Variants in SEMA3E observed in about 807,000 individuals in gnomAD.
SEMA3E encodes the protein semaphorin 3E.
In SEMA3E, 49 loss-of-function variants were observed where a neutral mutation model predicts 93.6. The ratio of observed to expected loss-of-function variants is 0.52; its 90% CI spans 0.42 to 0.66. The LOEUF is 0.66. Among genes scored for constraint, SEMA3E ranks in the 30% least tolerant of loss-of-function variants. The pLI is 0.00. For synonymous variants in SEMA3E, 363 were observed against 330.7 expected, an observed-to-expected ratio of 1.10 and a Z score of -1.06; for missense variants, 906 against 964.8, an observed-to-expected ratio of 0.94 and a Z score of 0.81.
At chr7:83,454,619 AAAGTT>A (rs1159663490) in intron 4 of SEMA3E, among the ~76,000 whole-genome samples, 2 of 152,170 alleles carry the variant, frequency 1.3e-5, no homozygotes, top group Admixed American at 6.5e-5. Context: ...AGCAGAAAAA[AAAGTT>A]AAGAAACAAA....
At chr7:83,417,618 T>C (rs139291409) in intron 5 of SEMA3E, among the ~76,000 whole-genome samples, 1 of 152,268 alleles carries the variant, frequency 6.6e-6, no homozygotes, top group Non-Finnish European at 1.5e-5. Flanking sequence ...CTTCCATTAG[T>C]ACCTATGTCA....
At chr7:83,472,044 A>C (rs1327582172) in intron 2 of SEMA3E, among the ~76,000 whole-genome samples, 1 of 152,116 alleles carries the variant, frequency 6.6e-6, no homozygotes, top group Non-Finnish European at 1.5e-5. Context: ...TTTTCTTATC[A>C]ACTCTCCCAG....
rs144314313 is a variant in SEMA3E, at chr7:83,533,727, T to C, written c.116-43453A>G. Among the ~76,000 whole-genome samples, 982 of 152,258 alleles carry C rather than the reference T, an allele frequency of 6.4e-3. 9 individuals carry two copies. Among genetic ancestry groups the C allele is most frequent in the African/African-American group, 0.022 (934 of 41,546 alleles). ...TCCCTACTGTGCCTCCATCTGAAAC[T>C]TCCTTACGTTTTATTATTGTGCTTA... On this transcript the variant is annotated intron_variant, in intron 1 of 16. Coordinates refer to ENST00000643230, the MANE Select transcript of SEMA3E (RefSeq NM_012431.3).
At chr7:83,592,980 C>T (rs1792784120) in intron 1 of SEMA3E, among the ~76,000 whole-genome samples, 1 of 151,956 alleles carries the variant, frequency 6.6e-6, no homozygotes, top group South Asian at 2.1e-4. Flanking sequence ...TTAGACAAGG[C>T]CTTGCTCTGT....
chr7:83,620,181 A>G (rs1416229683), intron 1 of SEMA3E, among the ~76,000 whole-genome samples: 2 of 151,948 alleles, frequency 1.3e-5, no homozygotes, highest in Admixed American at 1.3e-4. Flanking sequence ...GCAGACTTCC[A>G]TACTAAAAAA....
intron 1 of SEMA3E, among the ~76,000 whole-genome samples, chr7:83,546,904 C>T (rs1791662934): frequency 6.6e-6 from 1 of 151,966 alleles, no homozygotes; most frequent in Admixed American, 6.6e-5. Flanking sequence ...ATGAAGATAC[C>T]TTACTCAAAC....
intron 1 of SEMA3E, among the ~76,000 whole-genome samples, chr7:83,585,106 C>T (rs1023161278): frequency 2.0e-5 from 3 of 152,092 alleles, no homozygotes; most frequent in African/African-American, 7.2e-5. Flanking sequence ...GCTGTTCCCT[C>T]CATCTGCACA....
chr7:83,397,523 A>C (rs1301953001), intron 11 of SEMA3E, among the ~76,000 whole-genome samples: 1 of 152,192 alleles, frequency 6.6e-6, no homozygotes, highest in Non-Finnish European at 1.5e-5. Flanking sequence ...CAAGAAAAAA[A>C]TCCAAGTATA....
chr7:83,389,222 A>C (rs1475236246), intron 14 of SEMA3E, among the ~76,000 whole-genome samples: 4 of 152,130 alleles, frequency 2.6e-5, no homozygotes, highest in Non-Finnish European at 5.9e-5. Flanking sequence ...CCAATAGCAG[A>C]TCAAGATGAG....
chr7:83,599,581 A>G (rs1792941820), intron 1 of SEMA3E, among the ~76,000 whole-genome samples: 1 of 152,216 alleles, frequency 6.6e-6, no homozygotes, highest in Non-Finnish European at 1.5e-5. Context: ...CTCAAGATGA[A>G]TACAATGGAA....
At chr7:83,575,665 C>T (rs1792385862) in intron 1 of SEMA3E, among the ~76,000 whole-genome samples, 1 of 152,126 alleles carries the variant, frequency 6.6e-6, no homozygotes, top group African/African-American at 2.4e-5. Context: ...GTCATTAAAT[C>T]GTATTGTAAG....
intron 2 of SEMA3E, among the ~76,000 whole-genome samples, chr7:83,473,585 A>T (rs192368494): frequency 1.4e-4 from 22 of 152,308 alleles, no homozygotes; most frequent in African/African-American, 5.1e-4. Context: ...TTAAAAATTT[A>T]AAAATCTTGC....
At position 83,648,434 on chromosome 7, in the gene SEMA3E, G is replaced by A; in HGVS notation, c.109C>T (p.His37Tyr). Residue 37 changes from histidine (H) to tyrosine (Y), a missense_variant, in exon 1 of 17, where the codon CAT becomes TAT. By Grantham distance (83) the His-to-Tyr change is moderately conservative (BLOSUM62 2). Transcript: ENST00000643230. ...ATCTGGAAAGGTAACCTACCTTTAT[G>A]TGACAGGCGTAACCGGGGGTGGGTA... ...DTTHPRLRLS[H>Y]KELLNLNRTS... 8 of 1,519,114 alleles carry A rather than the reference G, an allele frequency of 5.3e-6. No homozygotes were observed. Among genetic ancestry groups the A allele is most frequent in the Non-Finnish European group, 7.2e-6 (8 of 1,110,240 alleles). The allele number at this position is 1,519,114 out of a possible 1,614,324, so 94.1% of individuals were successfully genotyped here. A position where few individuals can be genotyped will look rare whatever the true frequency, so the allele number is the denominator to read the frequency against.
chr7:83,533,958 T>G (rs1791357780), intron 1 of SEMA3E, among the ~76,000 whole-genome samples: 1 of 152,198 alleles, frequency 6.6e-6, no homozygotes, highest in African/African-American at 2.4e-5. Flanking sequence ...AGGACTCTCC[T>G]CTTTATCCCA....
At chr7:83,626,985 G>T (rs1793683612) in intron 1 of SEMA3E, among the ~76,000 whole-genome samples, 1 of 152,192 alleles carries the variant, frequency 6.6e-6, no homozygotes, top group South Asian at 2.1e-4. Context: ...TTCAGGAGCA[G>T]ATTGTTCAGT....
chr7:83,389,703 CAT>C (rs1491432937), intron 14 of SEMA3E, among the ~76,000 whole-genome samples: 1,440 of 128,380 alleles, frequency 0.011, 21 homozygotes, highest in African/African-American at 0.029. Context: ...TACATACACA[CAT>C]ATATACACGT....
chr7:83,459,889 A>G (rs139776869), intron 4 of SEMA3E, among the ~76,000 whole-genome samples: 9,739 of 152,190 alleles, frequency 0.064, 585 homozygotes, highest in African/African-American at 0.15. Context: ...TCCTGGCTCA[A>G]AAAGCACCCC....
At chr7:83,605,430 CTCTT>C (rs1205685982) in intron 1 of SEMA3E, among the ~76,000 whole-genome samples, 1 of 147,126 alleles carries the variant, frequency 6.8e-6, no homozygotes, top group East Asian at 2.0e-4. Flanking sequence ...TAAATGTCCT[CTCTT>C]TTTTTTTTTT....
At chr7:83,395,407 CT>C (rs1554319166) in intron 12 of SEMA3E, among the ~76,000 whole-genome samples, 1 of 152,140 alleles carries the variant, frequency 6.6e-6, no homozygotes, top group Non-Finnish European at 1.5e-5. Flanking sequence ...TAGAGCCAAT[CT>C]TTGTTATTCA....
Sources: gnomAD v4.1 joint callset for allele counts (sites outside exome capture counted in the v4.1 genomes callset) on GRCh38, gnomAD v4.1.1 for gene constraint, MANE v1.5 for transcripts, NCBI Gene and HGNC (gene_info 2026-07-23, HGNC 2026-07-21) for gene names.